VPS13B: variants seen among roughly 807,000 people sequenced by gnomAD.
VPS13B encodes vacuolar protein sorting 13 homolog B, also known as intermembrane lipid transfer protein VPS13B.
A neutral mutation model predicts 426.4 loss-of-function variants in VPS13B; 285 were observed. That is an observed-to-expected ratio of 0.67 (90% CI 0.61 to 0.74). The LOEUF (loss-of-function observed/expected upper bound fraction) is 0.74. Ranked by LOEUF, VPS13B falls within the 30% of genes least tolerant of loss-of-function variation. The probability of loss-of-function intolerance (pLI) is 0.00; values close to 1 mark genes in which losing one functional copy is unlikely to be tolerated. For synonymous variants in VPS13B, 1,676 were observed against 1,676.4 expected (o/e 1.00, Z 0.01); for missense variants, 4,537 against 4,782.6 (o/e 0.95, Z 1.51).
In VPS13B at chr8:99,303,019, G is replaced by A. The variant is rs367953836; in HGVS notation, c.2824+27765G>A. On this transcript the variant is annotated intron_variant, in intron 19 of 61. Transcript: ENST00000357162. ...GAAGGGCCGGGTGTGGTGGCTCACC[G>A]CCTGTAATCCCAGCACTTTGGGAGG... Among the ~76,000 whole-genome samples, 29 of 151,920 alleles carry A rather than the reference G, an allele frequency of 1.9e-4. No homozygotes were observed. The East Asian group carries it at 2.9e-3, about 15-fold the overall frequency.
In VPS13B at chr8:99,577,500, T is replaced by C. The variant is rs878852995; in HGVS notation, c.5087T>C (p.Val1696Ala). The stretch of plus-strand genomic sequence containing the variant: ...CCGTTTTTGCTTCAGGAGATTTTAG[T>C]GTGTGGCCATTCCTTAGAAGTGAAT... ...PENLHTEEIL[V>A]CGHSLEVNIT... Residue 1696 changes from valine (V) to alanine (A), a missense_variant, in exon 33 of 62, where the codon GTG becomes GCG. Coordinates refer to ENST00000357162, the MANE Select transcript of VPS13B (RefSeq NM_152564.5). The C allele has an allele frequency of 2.5e-6, 4 of 1,613,692 alleles. No homozygotes were observed. Among genetic ancestry groups the C allele is most frequent in the Non-Finnish European group, 1.7e-6 (2 of 1,179,730 alleles).
intron 3 of VPS13B, among the ~76,000 whole-genome samples, chr8:99,060,103 AAAACTAC>A (rs1223770678): frequency 1.3e-5 from 2 of 152,126 alleles, no homozygotes; most frequent in African/African-American, 4.8e-5. Context: ...AAGAAGTAAA[AAAACTAC>A]AAACCACACA....
At chr8:99,227,131 A>G (rs902762036) in intron 17 of VPS13B, among the ~76,000 whole-genome samples, 3 of 152,194 alleles carry the variant, frequency 2.0e-5, no homozygotes, top group African/African-American at 7.2e-5. Flanking sequence ...TATGACTGAG[A>G]AAAAGAAATA....
chr8:99,382,603 A>C (rs1813876497), intron 19 of VPS13B, among the ~76,000 whole-genome samples: 1 of 152,048 alleles, frequency 6.6e-6, no homozygotes, highest in Non-Finnish European at 1.5e-5. Flanking sequence ...TGCATTCCTG[A>C]TTTGGCTCTC....
chr8:99,238,740 C>T (rs1021051621), intron 17 of VPS13B, among the ~76,000 whole-genome samples: 20 of 151,880 alleles, frequency 1.3e-4, no homozygotes, highest in Admixed American at 2.6e-4. Flanking sequence ...GCATTACGTG[C>T]AAAACATGTA....
chr8:99,562,230 T>C (rs912933734), intron 31 of VPS13B, among the ~76,000 whole-genome samples: 1 of 152,128 alleles, frequency 6.6e-6, no homozygotes, highest in African/African-American at 2.4e-5. Flanking sequence ...TTGTTGGCTG[T>C]TTGTGTATTT....
At chr8:99,115,933 A>T in intron 7 of VPS13B, 59 bp downstream of exon 7, 1 of 1,551,458 alleles carries the variant, frequency 6.4e-7, no homozygotes, top group Non-Finnish European at 8.8e-7. Context: ...ACGTTTTACC[A>T]TTGGGAAACT....
chr8:99,867,386 G>A (rs944593204), intron 58 of VPS13B, among the ~76,000 whole-genome samples: 12 of 152,232 alleles, frequency 7.9e-5, no homozygotes, highest in African/African-American at 2.9e-4. Flanking sequence ...CTCAGTGCAG[G>A]AGATGGATGC....
rs559245210 is a variant in VPS13B, at chr8:99,202,744, A to C, written c.2515+9687A>C. 1.4e-4 allele frequency among the ~76,000 whole-genome samples: 22 copies of C among 152,248 alleles called. 1 individual carries two copies. The highest frequency in any genetic ancestry group is 5.1e-4 in the African/African-American group (21 of 41,552). On this transcript the variant is annotated intron_variant, in intron 17 of 61. Coordinates refer to ENST00000357162, the MANE Select transcript of VPS13B (RefSeq NM_152564.5). ...CCAAAACCTGGCAGAGACACAACAA[A>C]AAAAAATGGGCGTGGTGGCTCATGC...
At chr8:99,529,404 A>C (rs911461519) in intron 30 of VPS13B, among the ~76,000 whole-genome samples, 2 of 152,164 alleles carry the variant, frequency 1.3e-5, no homozygotes, top group Non-Finnish European at 2.9e-5. Flanking sequence ...CCTGTTTTTG[A>C]GCTGTTTTAG....
intron 33 of VPS13B, among the ~76,000 whole-genome samples, chr8:99,585,470 A>T (rs761363345): frequency 2.0e-5 from 3 of 152,222 alleles, no homozygotes; most frequent in Non-Finnish European, 2.9e-5. Flanking sequence ...CCAGCAACAT[A>T]GAATGAATTA....
chr8:99,776,747 A>G, intron 40 of VPS13B, 28 bp from the exon 41 acceptor site: 2 of 1,613,692 alleles, frequency 1.2e-6, no homozygotes, highest in Non-Finnish European at 1.7e-6. Context: ...TTGGTTATTG[A>G]ACTTCTTTTA....
At chr8:99,600,944 T>C (rs972439616) in intron 33 of VPS13B, among the ~76,000 whole-genome samples, 1 of 152,136 alleles carries the variant, frequency 6.6e-6, no homozygotes, top group Non-Finnish European at 1.5e-5. Context: ...GACTGGACTA[T>C]TGTCTTTTTA....
In VPS13B at chr8:99,358,002, TCACACACACACACACA is replaced by T. The variant is rs34418547; in HGVS notation, c.2825-26188_2825-26173del. 2.0e-4 allele frequency among the ~76,000 whole-genome samples: 29 copies of T among 144,416 alleles called. 1 individual carries two copies. Among genetic ancestry groups the T allele is most frequent in the Admixed American group, 1.6e-3 (23 of 14,474 alleles). The allele number at this position is 144,416 out of a possible 152,430, so 94.7% of individuals were successfully genotyped here. Reference sequence around the variant, plus strand: ...GATGGTTTATTTTGAGGATTAAATATCACACACACACACACACACACACACACACACACCACACACA... The same window carrying T: ...GATGGTTTATTTTGAGGATTAAATATCACACACACACACACACCACACACA... On this transcript the variant is annotated intron_variant, in intron 19 of 61. Coordinates refer to ENST00000357162, the MANE Select transcript of VPS13B (RefSeq NM_152564.5).
intron 19 of VPS13B, among the ~76,000 whole-genome samples, chr8:99,291,897 A>G (rs1301320213): frequency 3.9e-5 from 6 of 152,150 alleles, no homozygotes; most frequent in African/African-American, 1.4e-4. Context: ...AATTGTTGTT[A>G]AAAAGTGTTT....
intron 33 of VPS13B, among the ~76,000 whole-genome samples, chr8:99,603,942 C>T (rs1827444352): frequency 6.6e-6 from 1 of 152,142 alleles, no homozygotes; most frequent in East Asian, 1.9e-4. Flanking sequence ...TAAATTTTAA[C>T]TTTTAGCCTA....
At chr8:99,768,425 G>A (rs1422957552) in intron 40 of VPS13B, among the ~76,000 whole-genome samples, 1 of 152,040 alleles carries the variant, frequency 6.6e-6, no homozygotes, top group Non-Finnish European at 1.5e-5. Context: ...TTGTATTCCA[G>A]TTCCTACTTT....
chr8:99,799,732 C>A (rs1363120082), intron 43 of VPS13B, among the ~76,000 whole-genome samples: 1 of 152,118 alleles, frequency 6.6e-6, no homozygotes, highest in East Asian at 1.9e-4. Flanking sequence ...GGCATGTCTT[C>A]TATTTTACAT....
intron 39 of VPS13B, among the ~76,000 whole-genome samples, chr8:99,728,210 T>C (rs1833432563): frequency 6.6e-6 from 1 of 152,236 alleles, no homozygotes; most frequent in South Asian, 2.1e-4. Flanking sequence ...TGAAATTTTC[T>C]GAGACTCTAG....
Sources: gnomAD v4.1 joint callset for allele counts (sites outside exome capture counted in the v4.1 genomes callset) on GRCh38, gnomAD v4.1.1 for gene constraint, MANE v1.5 for transcripts, NCBI Gene and HGNC (gene_info 2026-07-23, HGNC 2026-07-21) for gene names.